The following RANBP17 variants were observed in gnomAD, a reference collection of about 807,000 sequenced individuals.
RANBP17 encodes ran-binding protein 17.
RANBP17 carries 158 observed loss-of-function variants against 141.2 expected under a neutral mutation model. That is an observed-to-expected ratio of 1.12 (90% CI 0.98 to 1.28). RANBP17 has a LOEUF of 1.28. RANBP17 is among the 50% of genes most tolerant of loss of function. The probability of loss-of-function intolerance (pLI) is 0.00; values close to 1 mark genes in which losing one functional copy is unlikely to be tolerated. For missense variants in RANBP17, 1,438 were observed against 1,290.7 expected (o/e 1.11, Z -1.75); for synonymous variants, 430 against 450.0 (o/e 0.96, Z 0.56).
intron 14 of RANBP17, among the ~76,000 whole-genome samples, chr5:171,075,128 G>T (rs1331764565): frequency 6.6e-6 from 1 of 152,088 alleles, no homozygotes; most frequent in Non-Finnish European, 1.5e-5. Context: ...TGGAACATTG[G>T]GCATAAATGT....
intron 14 of RANBP17, among the ~76,000 whole-genome samples, chr5:171,066,243 A>G (rs245762): frequency 0.61 from 92,905 of 151,924 alleles, 29,775 homozygotes; most frequent in South Asian, 0.88. Flanking sequence ...CATAGTTACC[A>G]TATTGTACAA....
At chr5:171,279,503 T>C (rs902493268) in intron 25 of RANBP17, among the ~76,000 whole-genome samples, 2 of 152,132 alleles carry the variant, frequency 1.3e-5, no homozygotes, top group South Asian at 2.1e-4. Context: ...CCCAGAATAA[T>C]GGCATTAATC....
intron 14 of RANBP17, among the ~76,000 whole-genome samples, chr5:171,050,462 C>T (rs1300920873): frequency 1.3e-5 from 2 of 152,174 alleles, no homozygotes; most frequent in Non-Finnish European, 2.9e-5. Context: ...TGGCTCACAT[C>T]TTTAATCCCA....
chr5:170,928,913 G>A (rs77107859), intron 12 of RANBP17, among the ~76,000 whole-genome samples: 4,399 of 151,892 alleles, frequency 0.029, 213 homozygotes, highest in African/African-American at 0.098. Flanking sequence ...TTTGGGCCAG[G>A]TTAACAACAT....
At chr5:170,944,246 T>C (rs1177864286) in intron 12 of RANBP17, among the ~76,000 whole-genome samples, 1 of 152,228 alleles carries the variant, frequency 6.6e-6, no homozygotes, top group Non-Finnish European at 1.5e-5. Context: ...CATCTAAATA[T>C]CAAAATTGTA....
chr5:171,136,479 A>T (rs561744625), intron 14 of RANBP17, among the ~76,000 whole-genome samples: 18 of 152,102 alleles, frequency 1.2e-4, no homozygotes, highest in African/African-American at 4.1e-4. Flanking sequence ...TGGGTTCATA[A>T]TGCAGGACTC....
chr5:171,109,595 C>T (rs1216001327), intron 14 of RANBP17, among the ~76,000 whole-genome samples: 3 of 152,170 alleles, frequency 2.0e-5, no homozygotes, highest in Non-Finnish European at 4.4e-5. Flanking sequence ...AACTAGTGCA[C>T]ATCCTCTCAC....
At chr5:170,955,071 G>C (rs1020230444) in intron 13 of RANBP17, among the ~76,000 whole-genome samples, 3 of 151,994 alleles carry the variant, frequency 2.0e-5, no homozygotes, top group African/African-American at 7.2e-5. Context: ...TCTAATGCCT[G>C]GTGATCTGAG....
intron 14 of RANBP17, among the ~76,000 whole-genome samples, chr5:171,122,330 T>C (rs897053943): frequency 8.5e-5 from 13 of 152,220 alleles, no homozygotes; most frequent in African/African-American, 2.4e-4. Context: ...TCAGCTATCT[T>C]GCTGACATCT....
rs998511984 is a variant in RANBP17, at chr5:171,047,077, G to C, written c.1710+78700G>C. ...TTGTTGCCCAGGCTGGAGTGCAATGGCACAGTCTCAACTCACTGCATCCTC... is the reference window on the plus strand; with the variant it reads ...TTGTTGCCCAGGCTGGAGTGCAATGCCACAGTCTCAACTCACTGCATCCTC... On this transcript the variant is annotated intron_variant, in intron 14 of 27. Coordinates refer to ENST00000523189, the MANE Select transcript of RANBP17 (RefSeq NM_022897.5). Among the ~76,000 whole-genome samples, 5 of 143,678 alleles carry C rather than the reference G, an allele frequency of 3.5e-5. No individual in the cohort carries two copies. The East Asian group carries it at 8.3e-4, about 24-fold the overall frequency. The allele number at this position is 143,678 out of a possible 152,430, so 94.3% of individuals were successfully genotyped here. A position where few individuals can be genotyped will look rare whatever the true frequency, so the allele number is the denominator to read the frequency against.
At chr5:171,243,800 C>T (rs550697989) in intron 24 of RANBP17, among the ~76,000 whole-genome samples, 20 of 152,200 alleles carry the variant, frequency 1.3e-4, no homozygotes, top group South Asian at 6.2e-4. Flanking sequence ...TGGGGCTGGG[C>T]GCGGTGGCTC....
intron 12 of RANBP17, among the ~76,000 whole-genome samples, chr5:170,947,745 G>C (rs1051508937): frequency 1.3e-5 from 2 of 152,050 alleles, no homozygotes; most frequent in Non-Finnish European, 2.9e-5. Flanking sequence ...TTCTCTCTCT[G>C]TTCAATCTCT....
At chr5:171,232,186 A>G (rs990020228) in intron 22 of RANBP17, among the ~76,000 whole-genome samples, 1 of 152,208 alleles carries the variant, frequency 6.6e-6, no homozygotes, top group African/African-American at 2.4e-5. Context: ...TAAGATTTTT[A>G]TATCTACTAA....
intron 14 of RANBP17, among the ~76,000 whole-genome samples, chr5:171,052,145 G>C (rs920360249): frequency 1.3e-5 from 2 of 152,054 alleles, no homozygotes; most frequent in African/African-American, 4.8e-5. Flanking sequence ...ATACATTCTG[G>C]ATATGAAATC....
chr5:171,228,648 A>C (rs1015447160), intron 22 of RANBP17, among the ~76,000 whole-genome samples: 6 of 152,196 alleles, frequency 3.9e-5, no homozygotes, highest in Non-Finnish European at 8.8e-5. Context: ...TGTGAAAGGA[A>C]GTCAATTGAT....
At chr5:171,274,402 G>A (rs1311165589) in intron 25 of RANBP17, among the ~76,000 whole-genome samples, 1 of 151,920 alleles carries the variant, frequency 6.6e-6, no homozygotes, top group Non-Finnish European at 1.5e-5. Context: ...TGTTATGAAA[G>A]TACTTATCTA....
chr5:170,914,742 A>T (rs1445507007), intron 8 of RANBP17, among the ~76,000 whole-genome samples: 1 of 152,058 alleles, frequency 6.6e-6, no homozygotes, highest in Non-Finnish European at 1.5e-5. Context: ...AATCAGTGTA[A>T]ATTCTATTGC....
At position 171,042,614 on chromosome 5, in the gene RANBP17, A is replaced by G. The variant is rs148058244; in HGVS notation, c.1710+74237A>G. Among the ~76,000 whole-genome samples, 8 of 152,320 alleles carry G rather than the reference A, an allele frequency of 5.3e-5. No homozygotes were observed. In the East Asian group the frequency reaches 1.3e-3, roughly 26 times the overall value. On this transcript the variant is annotated intron_variant, in intron 14 of 27. Coordinates refer to ENST00000523189, the MANE Select transcript of RANBP17 (RefSeq NM_022897.5). The stretch of plus-strand genomic sequence containing the variant: ...TTGGGAACATCAAGAATAGATTTAT[A>G]TTACAGTAGCACTCACATTTGAATC...
At chr5:170,903,264 A>C (rs1019118912) in intron 5 of RANBP17, among the ~76,000 whole-genome samples, 2 of 152,212 alleles carry the variant, frequency 1.3e-5, no homozygotes, top group African/African-American at 4.8e-5. Flanking sequence ...TGAACTTCCA[A>C]GTGTCTTTGT....
Sources: allele counts gnomAD v4.1 joint callset (sites outside exome capture counted in the v4.1 genomes callset), GRCh38; gene constraint gnomAD v4.1.1; transcripts MANE v1.5; gene names NCBI Gene and HGNC (gene_info 2026-07-23, HGNC 2026-07-21).